TCERG1L: variants seen among roughly 807,000 people sequenced by gnomAD.
TCERG1L encodes the protein transcription elongation regulator 1-like protein.
A neutral mutation model predicts 56.3 loss-of-function variants in TCERG1L; 37 were observed. The ratio of observed to expected loss-of-function variants is 0.66; its 90% CI spans 0.51 to 0.87. TCERG1L has a LOEUF of 0.87. Among genes scored for constraint, TCERG1L ranks in the 40% least tolerant of loss-of-function variants. The pLI is 0.00. For synonymous variants in TCERG1L, 324 were observed against 326.3 expected (o/e 0.99, Z 0.08); for missense variants, 799 against 774.2 (o/e 1.03, Z -0.38).
rs532736726 is a variant in TCERG1L, at chr10:131,260,226, G to C, written c.856+33C>G. 1 of 1,343,982 alleles carries C rather than the reference G, an allele frequency of 7.4e-7. No individual in the cohort carries two copies. Among genetic ancestry groups the C allele is most frequent in the Admixed American group, 3.2e-5 (1 of 31,030 alleles). 83.3% of individuals were successfully genotyped at this position (1,343,982 alleles called of 1,614,324 possible). A position where few individuals can be genotyped will look rare whatever the true frequency, so the allele number is the denominator to read the frequency against. Reference sequence around the variant, plus strand: ...AAGCCTCCGCGCGCTCGCTAAGGCAGCACCAGGCGTCGGGACGGCGCTCCG... The same window carrying C: ...AAGCCTCCGCGCGCTCGCTAAGGCACCACCAGGCGTCGGGACGGCGCTCCG... On this transcript the variant is annotated intron_variant, in intron 4 of 11. Transcript: ENST00000368642. This position sits in a 1 kb window ranked among gnomAD's most constrained non-coding sequence, Gnocchi z 5.8.
At chr10:131,295,464 TTCTG>T (rs1846679185) in intron 3 of TCERG1L, among the ~76,000 whole-genome samples, 1 of 152,220 alleles carries the variant, frequency 6.6e-6, no homozygotes, top group Non-Finnish European at 1.5e-5. Context: ...TATTGCCAGG[TTCTG>T]TCTTTGTTTT....
chr10:131,306,514 A>T (rs1846820107), intron 3 of TCERG1L, among the ~76,000 whole-genome samples: 1 of 152,090 alleles, frequency 6.6e-6, no homozygotes, highest in South Asian at 2.1e-4. Flanking sequence ...CATGTTTATA[A>T]GAAATATTAT....
intron 3 of TCERG1L, among the ~76,000 whole-genome samples, chr10:131,288,873 G>A (rs982893313): frequency 6.6e-6 from 1 of 152,244 alleles, no homozygotes; most frequent in East Asian, 1.9e-4. Flanking sequence ...TCAGCGCCTC[G>A]AGCGGGAGCC....
At chr10:131,278,089 C>T (rs1490864391) in intron 3 of TCERG1L, among the ~76,000 whole-genome samples, 1 of 151,920 alleles carries the variant, frequency 6.6e-6, no homozygotes, top group Admixed American at 6.5e-5. Flanking sequence ...TCCTGCCTCC[C>T]CCCGGGCCCA....
chr10:131,120,783 G>T (rs1055599107), intron 8 of TCERG1L, among the ~76,000 whole-genome samples: 3 of 152,196 alleles, frequency 2.0e-5, no homozygotes, highest in African/African-American at 7.2e-5. Flanking sequence ...GAGCTGTCAC[G>T]TGGATTCAGT....
At chr10:131,144,753 C>A (rs1480847055) in intron 7 of TCERG1L, among the ~76,000 whole-genome samples, 1 of 152,156 alleles carries the variant, frequency 6.6e-6, no homozygotes, top group Middle Eastern at 3.2e-3. Context: ...CATGCTAAAT[C>A]TAAACTAATC....
intron 4 of TCERG1L, among the ~76,000 whole-genome samples, chr10:131,207,053 T>G (rs567866442): frequency 5.9e-5 from 9 of 152,262 alleles, no homozygotes; most frequent in African/African-American, 2.2e-4. Context: ...AATCAGAAAG[T>G]GCTTTGTCCT....
At chr10:131,193,427 T>C (rs1845325252) in intron 4 of TCERG1L, among the ~76,000 whole-genome samples, 1 of 152,216 alleles carries the variant, frequency 6.6e-6, no homozygotes, top group African/African-American at 2.4e-5. Context: ...CTTAGACCAA[T>C]GTCCGGAAGA....
chr10:131,311,315 G>A lies in TCERG1L; in HGVS notation c.321C>T (p.Pro107=), dbSNP rs1198752607. 4 of 1,207,500 alleles carry A rather than the reference G, an allele frequency of 3.3e-6. No homozygotes were observed. In the African/African-American group the frequency reaches 4.7e-5, roughly 14 times the overall value. The allele number at this position is 1,207,500 out of a possible 1,614,324, so 74.8% of individuals were successfully genotyped here. A position where few individuals can be genotyped will look rare whatever the true frequency, so the allele number is the denominator to read the frequency against. ...TTACCTGCCCGTGGAGCGCGGGGAA[G>A]GGGTGCGCGGCGGCGGCGGCGGCGG... ...PDSAAAAAAH[P]FPALHGQWLF... The change falls in exon 1 of 12, where the codon CCC becomes CCT. Residue 107 remains proline, a synonymous_variant. Transcript: ENST00000368642. This position sits in a 1 kb window ranked among gnomAD's most constrained non-coding sequence, Gnocchi z 4.0.
At chr10:131,285,885 G>T (rs1174591601) in intron 3 of TCERG1L, among the ~76,000 whole-genome samples, 1 of 152,180 alleles carries the variant, frequency 6.6e-6, no homozygotes, top group Non-Finnish European at 1.5e-5. Context: ...TGGAAGGAAT[G>T]TTCTAAGCCC....
chr10:131,121,319 T>A (rs900993058), intron 8 of TCERG1L, among the ~76,000 whole-genome samples: 1 of 152,202 alleles, frequency 6.6e-6, no homozygotes, highest in Non-Finnish European at 1.5e-5. Flanking sequence ...TGAGGATGAC[T>A]TGCTGTACAA....
chr10:131,181,768 G>A (rs185600571), intron 4 of TCERG1L, among the ~76,000 whole-genome samples: 49 of 152,346 alleles, frequency 3.2e-4, no homozygotes, highest in Non-Finnish European at 5.1e-4. Context: ...CTGGGTCCAC[G>A]TATCTTTGCA....
chr10:131,184,639 C>T (rs1459709889), intron 4 of TCERG1L, among the ~76,000 whole-genome samples: 11 of 152,204 alleles, frequency 7.2e-5, no homozygotes, highest in East Asian at 3.9e-4. Context: ...GTGTACACAT[C>T]GGTCACGATG....
rs778014951 is a variant in TCERG1L, at chr10:131,190,820, C to T, written c.857-23935G>A. Among the ~76,000 whole-genome samples the T allele has an allele frequency of 1.8e-4, 26 of 143,810 alleles. 2 individuals are homozygous for T. Among genetic ancestry groups the T allele is most frequent in the Non-Finnish European group, 3.4e-4 (22 of 65,356 alleles). The allele number at this position is 143,810 out of a possible 152,430, so 94.3% of individuals were successfully genotyped here. On this transcript the variant is annotated intron_variant, in intron 4 of 11. Coordinates refer to ENST00000368642, the MANE Select transcript of TCERG1L (RefSeq NM_174937.4). Reference sequence around the variant, plus strand: ...TGAGAACAAGAACAAGATAAGGATGCCTAGTTTTGCCACTCTTATTCAACA... The same window carrying T: ...TGAGAACAAGAACAAGATAAGGATGTCTAGTTTTGCCACTCTTATTCAACA...
chr10:131,289,429 C>A (rs1356790536), intron 3 of TCERG1L, among the ~76,000 whole-genome samples: 1 of 152,250 alleles, frequency 6.6e-6, no homozygotes, highest in Non-Finnish European at 1.5e-5. Flanking sequence ...GAAAGGCACA[C>A]CTATGATATT....
intron 11 of TCERG1L, among the ~76,000 whole-genome samples, chr10:131,097,476 C>A (rs1845261538): frequency 6.6e-6 from 1 of 152,066 alleles, no homozygotes; most frequent in South Asian, 2.1e-4. Context: ...GTCTCCCAAG[C>A]AGCTGGGACT....
At chr10:131,273,265 G>A (rs550711899) in intron 3 of TCERG1L, among the ~76,000 whole-genome samples, 1 of 152,314 alleles carries the variant, frequency 6.6e-6, no homozygotes, top group East Asian at 1.9e-4. Context: ...CCAGAATGGA[G>A]GCCCCAGCAG....
At chr10:131,294,942 G>A (rs967760594) in intron 3 of TCERG1L, among the ~76,000 whole-genome samples, 6 of 151,804 alleles carry the variant, frequency 4.0e-5, no homozygotes, top group African/African-American at 1.2e-4. Flanking sequence ...CCAGATAAAC[G>A]TCCACCATCC....
chr10:131,173,008 G>A (rs778981389), intron 4 of TCERG1L, among the ~76,000 whole-genome samples: 8 of 149,682 alleles, frequency 5.3e-5, no homozygotes, highest in African/African-American at 9.9e-5. Context: ...ATCTTGCCTC[G>A]GCCTCCCGAG....
Sources: gnomAD v4.1 joint callset for allele counts (sites outside exome capture counted in the v4.1 genomes callset) on GRCh38, gnomAD v4.1.1 for gene constraint, Gnocchi (gnomAD v3.1) non-coding constraint, MANE v1.5 for transcripts, NCBI Gene and HGNC (gene_info 2026-07-23, HGNC 2026-07-21) for gene names.